KRT74: variants seen among roughly 807,000 people sequenced by gnomAD.
KRT74 encodes keratin, type II cytoskeletal 74.
In KRT74, 43 loss-of-function variants were observed where a neutral mutation model predicts 42.7. That is an observed-to-expected ratio of 1.01 (90% CI 0.79 to 1.30). The LOEUF (loss-of-function observed/expected upper bound fraction) is 1.30, where lower values mean the gene tolerates loss of function less well. Ranked by LOEUF, KRT74 falls within the 50% of genes most tolerant of loss-of-function variation. The probability of loss-of-function intolerance (pLI) is 0.00; values close to 1 mark genes in which losing one functional copy is unlikely to be tolerated. For synonymous variants in KRT74, 302 were observed against 279.0 expected (o/e 1.08, Z -0.82); for missense variants, 736 against 689.1 (o/e 1.07, Z -0.76).
Position 52,572,467 on chromosome 12 carries a change from C to A in KRT74, c.672G>T (p.Glu224Asp). 6.2e-7 allele frequency: 1 copy of A among 1,614,014 alleles called. No individual in the cohort carries two copies. Among genetic ancestry groups the A allele is most frequent in the Non-Finnish European group, 8.5e-7 (1 of 1,179,950 alleles). The change falls in exon 2 of 9, where the codon GAG becomes GAT. Residue 224 changes from glutamate (E) to aspartate (D), a missense_variant. Coordinates refer to ENST00000305620, the MANE Select transcript of KRT74 (RefSeq NM_175053.4). ...SELRSMRDLV[E>D]DYKKRYEVEI... ...AGCCTGCTCACCTCTTCTTATAGTC[C>A]TCCACCAGATCCCTCATGCTTCTCA...
intron 7 of KRT74, 93 bp from the exon 8 acceptor site, chr12:52,567,786 A>G (rs901937799): frequency 4.3e-6 from 4 of 922,778 alleles, no homozygotes; most frequent in Admixed American, 1.8e-5. Flanking sequence ...GCATCATTTA[A>G]ACTCATCCTT....
rs1028890266 is a variant in KRT74 at position 52,568,506 on chromosome 12, G to T, written c.1135-117C>A. 26 of 1,089,584 alleles carry T rather than the reference G, an allele frequency of 2.4e-5. 1 individual carries two copies. The highest frequency in any genetic ancestry group is 3.4e-5 in the Non-Finnish European group (25 of 740,514). 67.5% of individuals were successfully genotyped at this position (1,089,584 alleles called of 1,614,324 possible). On this transcript the variant is annotated intron_variant, in intron 6 of 8. Coordinates refer to ENST00000305620, the MANE Select transcript of KRT74 (RefSeq NM_175053.4). ...GGGCCCTAGGTGACAAGGAGTAAAAGCTGCAAAGCCAACACCAGAACTTTG... is the reference window on the plus strand; with the variant it reads ...GGGCCCTAGGTGACAAGGAGTAAAATCTGCAAAGCCAACACCAGAACTTTG...
intron 8 of KRT74, among the ~76,000 whole-genome samples, 189 bp downstream of exon 8, chr12:52,567,470 A>G (rs1939400562): frequency 6.6e-6 from 1 of 152,208 alleles, no homozygotes; most frequent in Non-Finnish European, 1.5e-5. Context: ...CAGGAAGGGA[A>G]AAGGGTGGGC....
In KRT74 at chr12:52,573,489, C is replaced by T; in HGVS notation, c.289G>A (p.Val97Met). Residue 97 changes from valine to methionine, a missense_variant, in exon 1 of 9, where the codon GTG (valine) becomes ATG (methionine). Val to Met is a conservative substitution (Grantham distance 21). Transcript: ENST00000305620. ...SGFAGSMFGS[V>M]ALGPACLSVC... Reference sequence around the variant, plus strand: ...GACAAACATGCAGGCCCCAGGGCCACACTGCCAAACATACTGCCAGCAAAG... The same window carrying T: ...GACAAACATGCAGGCCCCAGGGCCATACTGCCAAACATACTGCCAGCAAAG... 1 of 1,614,204 alleles carries T rather than the reference C, an allele frequency of 6.2e-7. No homozygotes were observed. The highest frequency in any genetic ancestry group is 1.7e-5 in the Admixed American group (1 of 60,038).
Position 52,566,835 on chromosome 12 carries a change from C to A in KRT74, c.*134G>T, listed in dbSNP as rs528200767. Reference sequence around the variant, plus strand: ...TCAGAGCTTGAAAGTAAAAGCTAAACCACGATGCAGACAGTTGAGTGTACT... The same window carrying A: ...TCAGAGCTTGAAAGTAAAAGCTAAAACACGATGCAGACAGTTGAGTGTACT... On this transcript the variant is annotated 3_prime_UTR_variant, in exon 9 of 9. Coordinates refer to ENST00000305620, the MANE Select transcript of KRT74 (RefSeq NM_175053.4). The A allele has an allele frequency of 7.0e-5, 46 of 658,214 alleles. No homozygotes were observed. The highest frequency in any genetic ancestry group is 3.3e-4 in the South Asian group (12 of 36,904). The allele number at this position is 658,214 out of a possible 1,614,324, so 40.8% of individuals were successfully genotyped here.
At position 52,573,333 on chromosome 12, in the gene KRT74, C is replaced by G; in HGVS notation, c.445G>C (p.Asp149His). ...TTGTCAATGAAGGAGGCGAACTTGTCGTTCAGCACCTTGATCTGTTCCCGC... is the reference window on the plus strand; with the variant it reads ...TTGTCAATGAAGGAGGCGAACTTGTGGTTCAGCACCTTGATCTGTTCCCGC... The part of the protein sequence containing the change: ...QEREQIKVLN[D>H]KFASFIDKVR... The change falls in exon 1 of 9, where the codon GAC becomes CAC. Residue 149 changes from aspartate (D) to histidine (H), a missense_variant. Asp to His is a moderately conservative substitution (Grantham distance 81). Transcript: ENST00000305620. The G allele has an allele frequency of 6.2e-7, 1 of 1,614,146 alleles. No homozygotes were observed. Among genetic ancestry groups the G allele is most frequent in the Non-Finnish European group, 8.5e-7 (1 of 1,180,008 alleles).
Position 52,570,721 on chromosome 12 carries a change from T to G in KRT74, c.956A>C (p.Glu319Ala). Residue 319 changes from glutamate (E) to alanine (A), a missense_variant, in exon 5 of 9, where the codon GAG becomes GCG. Coordinates refer to ENST00000305620, the MANE Select transcript of KRT74 (RefSeq NM_175053.4). ...SIIAEVRMHY[E>A]EIALKSKAEA... ...GGCCTTGCTCTTCAGGGCGATCTCC[T>G]CATAATGCATGCGGACCTCAGCGAT... 6.2e-7 allele frequency: 1 copy of G among 1,614,082 alleles called. No individual in the cohort carries two copies. Among genetic ancestry groups the G allele is most frequent in the Non-Finnish European group, 8.5e-7 (1 of 1,179,934 alleles).
chr12:52,567,339 G>T (rs1939398524), intron 8 of KRT74, among the ~76,000 whole-genome samples, 171 bp from the exon 9 acceptor site: 1 of 152,166 alleles, frequency 6.6e-6, no homozygotes, highest in Non-Finnish European at 1.5e-5. Flanking sequence ...CCTATTACGG[G>T]CCGGACTTCG....
intron 1 of KRT74, among the ~76,000 whole-genome samples, chr12:52,572,923 G>A (rs1364447885): frequency 6.6e-6 from 1 of 152,168 alleles, no homozygotes; most frequent in African/African-American, 2.4e-5. Context: ...CCTGGTCCCA[G>A]GAGATGTCCT....
chr12:52,567,618 C>A (rs758205542), intron 8 of KRT74, 41 bp downstream of exon 8: 1 of 1,515,564 alleles, frequency 6.6e-7, no homozygotes, highest in Admixed American at 1.7e-5. Context: ...TCCCAGGGTC[C>A]CTGGCTTTCC....
At chr12:52,569,838 C>A (rs201347932) in intron 6 of KRT74, 21 bp downstream of exon 6, 4 of 1,614,120 alleles carry the variant, frequency 2.5e-6, no homozygotes, top group East Asian at 4.5e-5. Context: ...ACCGGGAGTT[C>A]TTTGTGGGGC....
chr12:52,572,415 G>T (rs766990364), intron 2 of KRT74, 38 bp downstream of exon 2: 2 of 1,609,062 alleles, frequency 1.2e-6, no homozygotes, highest in South Asian at 1.1e-5. Context: ...AGAGGCACGG[G>T]AAACATGGTC....
chr12:52,571,486 G>GAGGGTTGCATCCCC, intron 3 of KRT74, 32 bp from the exon 4 acceptor site: 1 of 1,507,512 alleles, frequency 6.6e-7, no homozygotes, highest in Non-Finnish European at 9.2e-7. Context: ...ATTGGGGGAT[G>GAGGGTTGCATCCCC]CAACCCTCAT....
Position 52,570,696 on chromosome 12 carries a change from G to A in KRT74, c.981C>T (p.Ala327=), listed in dbSNP as rs765127392. ...TGGTCTGGTACAGGGCCTCGGCCTC[G>A]GCCTTGCTCTTCAGGGCGATCTCCT... The part of the protein sequence containing the change: ...HYEEIALKSK[A]EAEALYQTKI... The change falls in exon 5 of 9, where the codon GCC becomes GCT. Residue 327 remains alanine (A), a synonymous_variant. Transcript: ENST00000305620. 13 of 1,614,108 alleles carry A rather than the reference G, an allele frequency of 8.1e-6. No individual in the cohort carries two copies. The Middle Eastern group carries it at 6.7e-4, about 83-fold the overall frequency.
chr12:52,573,194 C>G, intron 1 of KRT74, 113 bp downstream of exon 1: 1 of 1,058,154 alleles, frequency 9.5e-7, no homozygotes. Context: ...TGAGGAAGCC[C>G]TTCCTGAGGC....
At chr12:52,568,760 T>G (rs969798037) in intron 6 of KRT74, among the ~76,000 whole-genome samples, 4 of 152,216 alleles carry the variant, frequency 2.6e-5, no homozygotes, top group African/African-American at 9.6e-5. Context: ...TATGCCACGG[T>G]CCCACTGTGA....
chr12:52,569,447 C>T, intron 6 of KRT74: 1 of 612,786 alleles, frequency 1.6e-6, no homozygotes. Flanking sequence ...GTTCCATGTC[C>T]AGTGGGAGGA....
intron 6 of KRT74, 123 bp downstream of exon 6, chr12:52,569,736 G>T: frequency 8.0e-7 from 1 of 1,249,584 alleles, no homozygotes; most frequent in Non-Finnish European, 1.2e-6. Context: ...GGGAGACTGT[G>T]GGTGGCCGAG....
Position 52,572,584 on chromosome 12 carries a change from C to G in KRT74, c.555G>C (p.Lys185Asn). The G allele has an allele frequency of 6.8e-6, 11 of 1,614,164 alleles. No homozygotes were observed. Among genetic ancestry groups the G allele is most frequent in the African/African-American group, 1.3e-5 (1 of 75,052 alleles). ...AGCCCTCAAGGATGGGCTCCAGGTT[C>G]TTCTTGCAGTTGTTCAGGTCCAGCT... ...LQQLDLNNCK[K>N]NLEPILEGYI... Residue 185 changes from lysine (K) to asparagine (N), a missense_variant, in exon 2 of 9, where the codon AAG (lysine) becomes AAC (asparagine). By Grantham distance (94) the Lys-to-Asn change is moderately conservative. Transcript: ENST00000305620.
Sources: allele counts gnomAD v4.1 joint callset (sites outside exome capture counted in the v4.1 genomes callset), GRCh38; gene constraint gnomAD v4.1.1; transcripts MANE v1.5; gene names NCBI Gene and HGNC (gene_info 2026-07-23, HGNC 2026-07-21).